DISC1: variants seen among roughly 807,000 people sequenced by gnomAD.
DISC1 encodes disrupted in schizophrenia 1 protein.
DISC1 carries 57 observed loss-of-function variants against 84.5 expected under a neutral mutation model. The ratio of observed to expected loss-of-function variants is 0.67; its 90% CI spans 0.55 to 0.84. The LOEUF (loss-of-function observed/expected upper bound fraction) is 0.84. Ranked by LOEUF, DISC1 falls within the 40% of genes least tolerant of loss-of-function variation. DISC1 has a pLI of 0.00. For synonymous variants in DISC1, 411 were observed against 415.2 expected (o/e 0.99, Z 0.12); for missense variants, 1,000 against 1,057.8 (o/e 0.95, Z 0.76).
chr1:231,804,963 A>G (rs2079586280), intron 8 of DISC1, among the ~76,000 whole-genome samples: 1 of 152,178 alleles, frequency 6.6e-6, no homozygotes, highest in African/African-American at 2.4e-5. Flanking sequence ...CATGGAATTA[A>G]CTAGGATGTT....
intron 3 of DISC1, among the ~76,000 whole-genome samples, chr1:231,704,495 G>A (rs977526602): frequency 6.6e-6 from 1 of 152,208 alleles, no homozygotes; most frequent in African/African-American, 2.4e-5. Flanking sequence ...GGTGGCTCAT[G>A]CCTATAATCC....
chr1:231,906,141 GCCTC>G (rs1159285945), intron 9 of DISC1, among the ~76,000 whole-genome samples: 1 of 149,178 alleles, frequency 6.7e-6, no homozygotes, highest in Non-Finnish European at 1.5e-5. Context: ...TCCTGCCTCA[GCCTC>G]CCAAGCAGCT....
At chr1:231,925,700 A>G (rs1464934319) in intron 9 of DISC1, 1 of 152,194 alleles carries the variant, frequency 6.6e-6, no homozygotes, top group Non-Finnish European at 1.5e-5. Flanking sequence ...GGGCCCTGAA[A>G]TCCAATGATT....
At chr1:231,687,212 C>T (rs1373309268) in intron 1 of DISC1, among the ~76,000 whole-genome samples, 1 of 152,142 alleles carries the variant, frequency 6.6e-6, no homozygotes, top group East Asian at 1.9e-4. Flanking sequence ...CAGGAATGCC[C>T]CACTCTACTG....
intron 4 of DISC1, among the ~76,000 whole-genome samples, chr1:231,757,915 G>T (rs927682808): frequency 6.6e-6 from 1 of 151,480 alleles, no homozygotes; most frequent in East Asian, 1.9e-4. Context: ...ACTGGGAACC[G>T]TGCTCACAGT....
At position 232,026,459 on chromosome 1, in the gene DISC1, C is replaced by G; in HGVS notation, c.2332C>G (p.Leu778Val). Residue 778 changes from leucine to valine, a missense_variant, in exon 12 of 13, where the codon CTT becomes GTT. Around this residue, in one of 3 missense-constraint regions of DISC1, gnomAD observed 397 missense variants for 377.5 expected, o/e 1.05. Coordinates refer to ENST00000439617, the MANE Select transcript of DISC1 (RefSeq NM_018662.3). ...KEESYILSAE[L>V]GEKCEDIGKK... Reference sequence around the variant, plus strand: ...GGAATCTTACATCCTTTCTGCAGAACTTGGAGAAAAGTGTGAAGACATAGG... The same window carrying G: ...GGAATCTTACATCCTTTCTGCAGAAGTTGGAGAAAAGTGTGAAGACATAGG... The G allele has an allele frequency of 6.2e-7, 1 of 1,606,208 alleles. No homozygotes were observed. Among genetic ancestry groups the G allele is most frequent in the Non-Finnish European group, 8.5e-7 (1 of 1,176,054 alleles).
intron 9 of DISC1, among the ~76,000 whole-genome samples, chr1:231,909,155 C>T (rs1444611049): frequency 6.6e-6 from 1 of 151,938 alleles, no homozygotes; most frequent in Non-Finnish European, 1.5e-5. Context: ...AGTTGAATAC[C>T]CTATATTTCT....
At chr1:231,783,089 G>C (rs1388280040) in intron 6 of DISC1, among the ~76,000 whole-genome samples, 3 of 152,108 alleles carry the variant, frequency 2.0e-5, no homozygotes, top group Non-Finnish European at 4.4e-5. Flanking sequence ...AGTTGCCTTT[G>C]GATCACGTAA....
chr1:231,879,328 G>C (rs1264955786), intron 9 of DISC1, among the ~76,000 whole-genome samples: 1 of 151,982 alleles, frequency 6.6e-6, no homozygotes, highest in East Asian at 1.9e-4. Flanking sequence ...TCTAAGAGTG[G>C]AATTTCTGGG....
At position 231,694,293 on chromosome 1, in the gene DISC1, T is replaced by A; in HGVS notation, c.535T>A (p.Ser179Thr). 1.2e-6 allele frequency: 2 copies of A among 1,614,242 alleles called. No homozygotes were observed. Among genetic ancestry groups the A allele is most frequent in the South Asian group, 1.1e-5 (1 of 91,086 alleles). The change falls in exon 2 of 13, where the codon TCA becomes ACA. Residue 179 changes from serine (S) to threonine (T), a missense_variant. Ser to Thr is a moderately conservative substitution (Grantham distance 58). Around this residue, in one of 3 missense-constraint regions of DISC1, gnomAD observed 292 missense variants for 280.2 expected, o/e 1.04. Coordinates refer to ENST00000439617, the MANE Select transcript of DISC1 (RefSeq NM_018662.3). Reference sequence around the variant, plus strand: ...TGTCCGGGCAGCAGGCTCTCTGCCATCAGCAGAGTTGAGTAGCAACAGCTG... The same window carrying A: ...TGTCCGGGCAGCAGGCTCTCTGCCAACAGCAGAGTTGAGTAGCAACAGCTG... ...RRVRAAGSLP[S>T]AELSSNSCSP...
chr1:231,832,399 C>A (rs1380616954), intron 9 of DISC1, among the ~76,000 whole-genome samples: 1 of 151,816 alleles, frequency 6.6e-6, no homozygotes, highest in Non-Finnish European at 1.5e-5. Flanking sequence ...ACCTCACTAA[C>A]CATGCCTAGG....
chr1:231,847,156 C>A (rs1466068170), intron 9 of DISC1, among the ~76,000 whole-genome samples: 2 of 152,082 alleles, frequency 1.3e-5, no homozygotes, highest in Admixed American at 6.6e-5. Flanking sequence ...AATGGTCTCT[C>A]CCTAAGCCTC....
At chr1:231,924,235 G>A (rs148520287) in intron 9 of DISC1, among the ~76,000 whole-genome samples, 1 of 152,148 alleles carries the variant, frequency 6.6e-6, no homozygotes, top group Non-Finnish European at 1.5e-5. Flanking sequence ...CCTCCTTTGC[G>A]GGTCCCATCT....
chr1:231,957,194 C>T (rs1479819527), intron 9 of DISC1, among the ~76,000 whole-genome samples: 2 of 152,268 alleles, frequency 1.3e-5, no homozygotes, highest in African/African-American at 4.8e-5. Context: ...CATTTGGCTC[C>T]GGCCACACTT....
chr1:231,660,058 T>C (rs1415748185), intron 1 of DISC1, among the ~76,000 whole-genome samples: 1 of 152,182 alleles, frequency 6.6e-6, no homozygotes, highest in Non-Finnish European at 1.5e-5. Flanking sequence ...TGTCTAATAT[T>C]GTCAGTGGGT....
intron 9 of DISC1, among the ~76,000 whole-genome samples, chr1:231,846,495 C>T (rs74560677): frequency 0.036 from 5,544 of 152,248 alleles, 350 homozygotes; most frequent in African/African-American, 0.12. Flanking sequence ...AGCTTTTCAG[C>T]GACCTTTTCA....
intron 6 of DISC1, among the ~76,000 whole-genome samples, chr1:231,772,718 G>A (rs1040468781): frequency 7.9e-5 from 12 of 152,078 alleles, no homozygotes; most frequent in Non-Finnish European, 1.2e-4. Flanking sequence ...CAAACTACCC[G>A]TCCAAATATA....
At chr1:231,773,651 T>G (rs2125475787) in intron 6 of DISC1, among the ~76,000 whole-genome samples, 1 of 152,272 alleles carries the variant, frequency 6.6e-6, no homozygotes, top group African/African-American at 2.4e-5. Flanking sequence ...CCCAAAGTGC[T>G]GAGATTACAG....
intron 9 of DISC1, among the ~76,000 whole-genome samples, chr1:231,929,656 CAG>C (rs2090541503): frequency 6.6e-6 from 1 of 152,188 alleles, no homozygotes. Flanking sequence ...ATGATTTTTG[CAG>C]ACTGTTCTGT....
Sources: gnomAD v4.1 joint callset for allele counts (sites outside exome capture counted in the v4.1 genomes callset) on GRCh38, gnomAD v4.1.1 for gene constraint, gnomAD v4.1.1 regional missense constraint, MANE v1.5 for transcripts, NCBI Gene and HGNC (gene_info 2026-07-23, HGNC 2026-07-21) for gene names.